The following HIVEP3 variants were observed in gnomAD, a reference collection of about 807,000 sequenced individuals.
HIVEP3 encodes the protein transcription factor HIVEP3.
Under a neutral mutation model 152.8 loss-of-function variants are expected in HIVEP3, and 49 were observed. That is an observed-to-expected ratio of 0.32 (90% CI 0.26 to 0.41). HIVEP3 has a LOEUF of 0.41. HIVEP3 is among the 10% of genes least tolerant of loss of function. HIVEP3 has a pLI of 1.00. For synonymous variants in HIVEP3, 1,269 were observed against 1,289.0 expected (o/e 0.98, Z 0.33); for missense variants, 2,790 against 3,103.3 (o/e 0.90, Z 2.40).
At chr1:42,033,034 C>G (rs182102507) in intron 1 of HIVEP3, among the ~76,000 whole-genome samples, 2 of 152,068 alleles carry the variant, frequency 1.3e-5, no homozygotes, top group Non-Finnish European at 2.9e-5. Context: ...AGGAGCAGAA[C>G]GAGCACTGAG....
intron 1 of HIVEP3, among the ~76,000 whole-genome samples, chr1:41,861,032 G>T (rs947748391): frequency 6.6e-6 from 1 of 152,224 alleles, no homozygotes; most frequent in Non-Finnish European, 1.5e-5. Context: ...AGGCCTTGCT[G>T]CCAGCCCCTC....
intron 3 of HIVEP3, among the ~76,000 whole-genome samples, chr1:41,627,669 A>G (rs2077172): frequency 0.59 from 89,048 of 151,952 alleles, 27,523 homozygotes; most frequent in African/African-American, 0.79. Flanking sequence ...CAGAGAAGCG[A>G]AAGAGTCACT....
intron 1 of HIVEP3, among the ~76,000 whole-genome samples, chr1:41,727,706 C>T (rs556844279): frequency 5.9e-5 from 9 of 152,284 alleles, no homozygotes; most frequent in South Asian, 4.1e-4. Flanking sequence ...AGAGGCAGCC[C>T]GGGTGACTTT....
At chr1:41,515,617 G>A (rs956129200) in intron 7 of HIVEP3, among the ~76,000 whole-genome samples, 1 of 152,170 alleles carries the variant, frequency 6.6e-6, no homozygotes, top group South Asian at 2.1e-4. Flanking sequence ...CAGAACTAAG[G>A]TTTACAGCCC....
intron 1 of HIVEP3, among the ~76,000 whole-genome samples, chr1:41,916,018 A>T (rs537867839): frequency 6.6e-6 from 1 of 152,354 alleles, no homozygotes; most frequent in Admixed American, 6.5e-5. Flanking sequence ...TTCACAGAGT[A>T]GGGAGTGAGA....
At chr1:41,653,080 G>C (rs1256133441) in intron 2 of HIVEP3, among the ~76,000 whole-genome samples, 1 of 152,068 alleles carries the variant, frequency 6.6e-6, no homozygotes, top group Non-Finnish European at 1.5e-5. Context: ...AAACTAACAT[G>C]CAGAAATAAG....
intron 1 of HIVEP3, among the ~76,000 whole-genome samples, chr1:42,026,762 G>T (rs1361720626): frequency 6.6e-6 from 1 of 151,950 alleles, no homozygotes; most frequent in Admixed American, 6.6e-5. Flanking sequence ...CTCTTCTTTT[G>T]CTCTCTGAAG....
chr1:41,545,608 T>C (rs62648087), intron 5 of HIVEP3, among the ~76,000 whole-genome samples: 1,141 of 21,730 alleles, frequency 0.053, no homozygotes, highest in Middle Eastern at 0.17. Flanking sequence ...ACCACCACCA[T>C]CACCACCACT....
At chr1:41,807,636 G>A (rs529017214) in intron 1 of HIVEP3, among the ~76,000 whole-genome samples, 39 of 152,296 alleles carry the variant, frequency 2.6e-4, no homozygotes, top group East Asian at 1.7e-3. Context: ...GCAGGCCTGC[G>A]TGTCTCTGGG....
At chr1:41,542,604 AAG>A (rs1226287300) in intron 5 of HIVEP3, 5 of 152,534 alleles carry the variant, frequency 3.3e-5, no homozygotes, top group Admixed American at 6.5e-5. Flanking sequence ...ATGTAGAGGA[AAG>A]AGAGGATGCA....
intron 1 of HIVEP3, among the ~76,000 whole-genome samples, chr1:42,002,399 A>C (rs1055314754): frequency 5.3e-5 from 8 of 152,224 alleles, no homozygotes; most frequent in Middle Eastern, 3.4e-3. Flanking sequence ...AGTGCAAACA[A>C]CACCACTCAG....
intron 3 of HIVEP3, among the ~76,000 whole-genome samples, chr1:41,588,564 C>A (rs1644539103): frequency 6.6e-6 from 1 of 152,118 alleles, no homozygotes; most frequent in African/African-American, 2.4e-5. Flanking sequence ...CAGATGACTG[C>A]TGCATCATCA....
chr1:41,677,683 A>G (rs1306093048), intron 2 of HIVEP3, among the ~76,000 whole-genome samples: 1 of 152,276 alleles, frequency 6.6e-6, no homozygotes, highest in Non-Finnish European at 1.5e-5. Context: ...ACAAGCTCCC[A>G]GCTAAAGTCC....
intron 1 of HIVEP3, among the ~76,000 whole-genome samples, chr1:41,738,637 T>C (rs570702218): frequency 6.6e-6 from 1 of 152,330 alleles, no homozygotes; most frequent in African/African-American, 2.4e-5. Flanking sequence ...GACTCAGGCT[T>C]GGAAACCAGC....
In HIVEP3 at chr1:41,638,617, C is replaced by A. The variant is rs80061913; in HGVS notation, c.-720-9670G>T. Among the ~76,000 whole-genome samples, 250 of 113,606 alleles carry A rather than the reference C, an allele frequency of 2.2e-3. 5 individuals are homozygous for A. In the East Asian group the frequency reaches 0.054, roughly 25 times the overall value. The allele number at this position is 113,606 out of a possible 152,430, so 74.5% of individuals were successfully genotyped here. On this transcript the variant is annotated intron_variant, in intron 2 of 8. Coordinates refer to ENST00000372583, the MANE Select transcript of HIVEP3 (RefSeq NM_024503.5). ...GTCTTCTTTTTAGAAAACAGTTGAA[C>A]AGGGAGGGGGCTACTAGGGGTAGAG... is the stretch of plus-strand genomic sequence containing the variant.
chr1:41,579,991 T>C lies in HIVEP3; in HGVS notation c.4807A>G (p.Asn1603Asp). ...LQFPSLHTTT[N>D]VSWCYLNYIK... ...TAGTTTAAATAGCACCAACTGACATTAGTGGTTGTGTGGAGGCTGGGGAAC... is the reference window on the plus strand; with the variant it reads ...TAGTTTAAATAGCACCAACTGACATCAGTGGTTGTGTGGAGGCTGGGGAAC... Residue 1603 changes from asparagine (N) to aspartate (D), a missense_variant, in exon 4 of 9, where the codon AAT becomes GAT. Physicochemically the swap from Asn to Asp is conservative, Grantham distance 23. This residue lies in a region of HIVEP3 where 1,078 missense variants were observed against 1,165.3 expected (regional missense o/e 0.93). Transcript: ENST00000372583. The C allele has an allele frequency of 6.2e-7, 1 of 1,614,188 alleles. No individual in the cohort carries two copies. The highest frequency in any genetic ancestry group is 8.5e-7 in the Non-Finnish European group (1 of 1,180,022).
intron 1 of HIVEP3, among the ~76,000 whole-genome samples, chr1:41,813,534 C>T (rs887700114): frequency 3.3e-5 from 5 of 152,206 alleles, no homozygotes; most frequent in South Asian, 4.1e-4. Context: ...TTAACAGGTG[C>T]GACTTCTCTC....
At chr1:41,775,737 T>C (rs1198895576) in intron 1 of HIVEP3, among the ~76,000 whole-genome samples, 2 of 152,096 alleles carry the variant, frequency 1.3e-5, no homozygotes, top group African/African-American at 4.8e-5. Flanking sequence ...GTGGTCCACC[T>C]CCCAAAGTGC....
chr1:41,833,727 C>A (rs1002493909), intron 1 of HIVEP3, among the ~76,000 whole-genome samples: 3 of 152,158 alleles, frequency 2.0e-5, no homozygotes, highest in African/African-American at 7.2e-5. Context: ...ACGCCTGAGC[C>A]CACAGTGATA....
Sources: allele counts gnomAD v4.1 joint callset (sites outside exome capture counted in the v4.1 genomes callset), GRCh38; gene constraint gnomAD v4.1.1; regional missense constraint gnomAD v4.1.1; transcripts MANE v1.5; gene names NCBI Gene and HGNC (gene_info 2026-07-23, HGNC 2026-07-21).